Variants in CHRM1 observed in about 807,000 individuals in gnomAD.
The protein encoded by CHRM1 is muscarinic acetylcholine receptor M1.
Under a neutral mutation model 31.6 loss-of-function variants are expected in CHRM1, and 5 were observed. The observed-to-expected ratio is 0.16, with a 90% CI of 0.08 to 0.33. The LOEUF is 0.33. CHRM1 is among the 10% of genes least tolerant of loss of function. CHRM1 has a pLI of 1.00. For synonymous variants in CHRM1, 227 were observed against 249.7 expected (o/e 0.91, Z 0.86); for missense variants, 338 against 610.3 (o/e 0.55, Z 4.70).
At position 62,910,398 on chromosome 11, in the gene CHRM1, C is replaced by T; in HGVS notation, c.703G>A (p.Gly235Ser). The change falls in exon 2 of 2, where the codon GGT (glycine) becomes AGT (serine). Residue 235 changes from glycine (G) to serine (S), a missense_variant. Gly to Ser is a moderately conservative substitution (Grantham distance 56). This residue lies in a region of CHRM1 where 183 missense variants were observed against 223.4 expected (regional missense o/e 0.82). Transcript: ENST00000306960. The surrounding 1 kb of genome is among the most constrained non-coding windows in gnomAD (Gnocchi z 8.7). ...CTCTCTGAGCTGCTGCTGCTGCCAC[C>T]CCCTTTGCCTGGCGTCTCGGAGCCC... is the stretch of plus-strand genomic sequence containing the variant. ...LQGSETPGKG[G>S]GSSSSSERSQ... The T allele has an allele frequency of 1.2e-6, 2 of 1,611,756 alleles. No individual in the cohort carries two copies. The highest frequency in any genetic ancestry group is 1.7e-6 in the Non-Finnish European group (2 of 1,180,008).
Position 62,910,343 on chromosome 11 carries a change from T to G in CHRM1, c.758A>C (p.Glu253Ala). Residue 253 changes from glutamate (E) to alanine (A), a missense_variant, in exon 2 of 2, where the codon GAG (glutamate) becomes GCG (alanine). Around this residue, in one of 4 missense-constraint regions of CHRM1, gnomAD observed 183 missense variants for 223.4 expected, o/e 0.82. Transcript: ENST00000306960. The surrounding 1 kb of genome is among the most constrained non-coding windows in gnomAD (Gnocchi z 8.7). ...GCGACAGCAGCGGCCTGGAGGAGTC[T>G]CTGGTGAGCCCTCAGCCCCTGGCTG... ...RSQPGAEGSP[E>A]TPPGRCCRCC... 1 of 1,609,906 alleles carries G rather than the reference T, an allele frequency of 6.2e-7. No homozygotes were observed. The highest frequency in any genetic ancestry group is 8.5e-7 in the Non-Finnish European group (1 of 1,179,952).
Position 62,909,918 on chromosome 11 carries a change from C to T in CHRM1, c.1183G>A (p.Val395Ile), listed in dbSNP as rs1175739065. 6.2e-7 allele frequency: 1 copy of T among 1,614,078 alleles called. No homozygotes were observed. Among genetic ancestry groups the T allele is most frequent in the Non-Finnish European group, 8.5e-7 (1 of 1,180,038 alleles). Residue 395 changes from valine (V) to isoleucine (I), a missense_variant, in exon 2 of 2, where the codon GTT (valine) becomes ATT (isoleucine). Physicochemically the swap from Val to Ile is conservative, Grantham distance 29. This residue lies in a region of CHRM1 where 68 missense variants were observed against 108.5 expected (regional missense o/e 0.63). Coordinates refer to ENST00000306960, the MANE Select transcript of CHRM1 (RefSeq NM_000738.3). ...CCCAGCTCCCACAGGGTCTCGGGAA[C>T]ACAGTCCTTGCAGAAGGTGGACACC... ...VLVSTFCKDC[V>I]PETLWELGYW...
At chr11:62,920,801 C>T (rs1348120708) in intron 1 of CHRM1, 1 of 152,172 alleles carries the variant, frequency 6.6e-6, no homozygotes, top group Non-Finnish European at 1.5e-5. Context: ...CTGGCACCCC[C>T]ATCAAGATGG....
rs2085852787 is a variant in CHRM1 at position 62,909,162 on chromosome 11, G to C, written c.*556C>G. 6.4e-6 allele frequency: 1 copy of C among 155,286 alleles called. No homozygotes were observed. The highest frequency in any genetic ancestry group is 2.4e-5 in the African/African-American group (1 of 41,446). 9.6% of individuals were successfully genotyped at this position (155,286 alleles called of 1,614,324 possible). A position where few individuals can be genotyped will look rare whatever the true frequency, so the allele number is the denominator to read the frequency against. On this transcript the variant is annotated 3_prime_UTR_variant, in exon 2 of 2. Transcript: ENST00000306960. ...TTTGCCTTGGAGTTGACCCACCTAGGGACCCTCTGAGGACATTTGTGGACA... is the reference window on the plus strand; with the variant it reads ...TTTGCCTTGGAGTTGACCCACCTAGCGACCCTCTGAGGACATTTGTGGACA...
chr11:62,915,059 C>T (rs1157490189), intron 1 of CHRM1, among the ~76,000 whole-genome samples: 3 of 151,536 alleles, frequency 2.0e-5, no homozygotes, highest in African/African-American at 7.3e-5. Context: ...CCTATGGTCC[C>T]AGCTACTTGG....
In CHRM1 at chr11:62,910,007, C is replaced by T. The variant is rs2085859609; in HGVS notation, c.1094G>A (p.Arg365Gln). The change falls in exon 2 of 2, where the codon CGG becomes CAG. Residue 365 changes from arginine (R) to glutamine (Q), a missense_variant. Arg to Gln is a conservative substitution (Grantham distance 43, BLOSUM62 1). Coordinates refer to ENST00000306960, the MANE Select transcript of CHRM1 (RefSeq NM_000738.3). This position sits in a 1 kb window ranked among gnomAD's most constrained non-coding sequence, Gnocchi z 8.7. ...FSLVKEKKAA[R>Q]TLSAILLAFI... ...GGCCAGGAGGATGGCACTCAGGGTC[C>T]GAGCCGCCTTCTTCTCCTTGACCAG... The T allele has an allele frequency of 3.7e-6, 6 of 1,613,884 alleles. No individual in the cohort carries two copies. The highest frequency in any genetic ancestry group is 2.2e-5 in the East Asian group (1 of 44,886).
intron 1 of CHRM1, among the ~76,000 whole-genome samples, chr11:62,918,525 G>A (rs1315190742): frequency 2.0e-5 from 3 of 152,270 alleles, no homozygotes; most frequent in East Asian, 1.9e-4. Context: ...CCTGGCTGGA[G>A]AGCATAGGAG....
intron 1 of CHRM1, among the ~76,000 whole-genome samples, chr11:62,916,416 A>G (rs1330048112): frequency 6.6e-6 from 1 of 152,240 alleles, no homozygotes; most frequent in Non-Finnish European, 1.5e-5. Context: ...AAGGCTAGCT[A>G]TAACTTTGGT....
intron 1 of CHRM1, among the ~76,000 whole-genome samples, chr11:62,919,552 A>T (rs2085919757): frequency 6.6e-6 from 1 of 152,064 alleles, no homozygotes; most frequent in Non-Finnish European, 1.5e-5. Flanking sequence ...CCTCTCCGCA[A>T]GCCCCCTGCT....
At chr11:62,912,504 T>G (rs2085877288) in intron 1 of CHRM1, among the ~76,000 whole-genome samples, 1 of 152,064 alleles carries the variant, frequency 6.6e-6, no homozygotes, top group South Asian at 2.1e-4. Context: ...CTCCCTCTCC[T>G]GGCTCTGTTC....
chr11:62,912,432 GGATGAGGGCCTCA>G (rs1217696704), intron 1 of CHRM1, among the ~76,000 whole-genome samples: 1 of 152,056 alleles, frequency 6.6e-6, no homozygotes, highest in East Asian at 1.9e-4. Context: ...CAGGAAGCAG[GGATGAGGGCCTCA>G]GCTCCTAGCT....
rs757033520 is a variant in CHRM1 at position 62,909,755 on chromosome 11, G to C, written c.1346C>G (p.Pro449Arg). The C allele has an allele frequency of 6.2e-7, 1 of 1,614,020 alleles. No homozygotes were observed. Among genetic ancestry groups the C allele is most frequent in the East Asian group, 2.2e-5 (1 of 44,894 alleles). Residue 449 changes from proline (P) to arginine (R), a missense_variant, in exon 2 of 2, where the codon CCT becomes CGT. Pro to Arg is a moderately radical substitution (Grantham distance 103). This residue lies in a region of CHRM1 where 68 missense variants were observed against 108.5 expected (regional missense o/e 0.63). Transcript: ENST00000306960. ...GGAGGGAGTGCGGTGCACGGAGCCA[G>C]GGCGCTTGGGGATCTTGCGCCAGCG... ...KRRWRKIPKR[P>R]GSVHRTPSRQ... is the part of the protein sequence containing the mutation.
intron 1 of CHRM1, among the ~76,000 whole-genome samples, chr11:62,911,494 G>A (rs1444094331): frequency 2.0e-5 from 3 of 152,208 alleles, no homozygotes; most frequent in African/African-American, 4.8e-5. Flanking sequence ...GGTTGCAGGA[G>A]TTGGGAAACT....
At chr11:62,911,441 T>C (rs1590649395) in intron 1 of CHRM1, among the ~76,000 whole-genome samples, 1 of 152,344 alleles carries the variant, frequency 6.6e-6, no homozygotes, top group East Asian at 1.9e-4. Context: ...GCCTCCATTT[T>C]CTTACTGGGA....
At chr11:62,917,603 C>A (rs950243601) in intron 1 of CHRM1, among the ~76,000 whole-genome samples, 1 of 152,034 alleles carries the variant, frequency 6.6e-6, no homozygotes, top group Admixed American at 6.6e-5. Context: ...CATTGCTGAG[C>A]AAGGCTGGGA....
In CHRM1 at chr11:62,909,396, T is replaced by C. The variant is rs1196780047; in HGVS notation, c.*322A>G. 2.8e-5 allele frequency: 10 copies of C among 358,884 alleles called. No homozygotes were observed. The highest frequency in any genetic ancestry group is 4.1e-5 in the African/African-American group (2 of 48,516). 22.2% of individuals were successfully genotyped at this position (358,884 alleles called of 1,614,324 possible). On this transcript the variant is annotated 3_prime_UTR_variant, in exon 2 of 2. Transcript: ENST00000306960. The stretch of plus-strand genomic sequence containing the variant: ...AAGCCTTCTTTCTCCTGGCCCGCCC[T>C]GCTGGCTCCTGACTTCCTGCCTAAA...
chr11:62,916,850 C>T (rs1024480473), intron 1 of CHRM1: 4 of 152,320 alleles, frequency 2.6e-5, no homozygotes, highest in African/African-American at 4.8e-5. Context: ...CCCACTTACG[C>T]GGATGAGGGC....
chr11:62,909,364 T>G lies in CHRM1; in HGVS notation c.*354A>C. On this transcript the variant is annotated 3_prime_UTR_variant, in exon 2 of 2. Coordinates refer to ENST00000306960, the MANE Select transcript of CHRM1 (RefSeq NM_000738.3). ...GGCCGCTGCTGGGCCAAGGAATACT[T>G]AATGTTAAGCCTTCTTTCTCCTGGC... 4.0e-6 allele frequency: 1 copy of G among 248,196 alleles called. No individual in the cohort carries two copies. 15.4% of individuals were successfully genotyped at this position (248,196 alleles called of 1,614,324 possible).
At chr11:62,913,106 C>T (rs1281448738) in intron 1 of CHRM1, among the ~76,000 whole-genome samples, 1 of 152,204 alleles carries the variant, frequency 6.6e-6, no homozygotes, top group Admixed American at 6.5e-5. Flanking sequence ...GCAACCTGGA[C>T]TCTGGAGCCA....
Sources: allele counts gnomAD v4.1 joint callset (sites outside exome capture counted in the v4.1 genomes callset), GRCh38; gene constraint gnomAD v4.1.1; regional missense constraint gnomAD v4.1.1; non-coding constraint Gnocchi (gnomAD v3.1); transcripts MANE v1.5; gene names NCBI Gene and HGNC (gene_info 2026-07-23, HGNC 2026-07-21).